The following SDK1 variants were observed in gnomAD, a reference collection of about 807,000 sequenced individuals.
SDK1 encodes the protein sidekick cell adhesion molecule 1.
SDK1 carries 157 observed loss-of-function variants against 245.5 expected under a neutral mutation model. The observed-to-expected ratio is 0.64, with a 90% confidence interval of 0.56 to 0.73. The LOEUF is 0.73. Among genes scored for constraint, SDK1 ranks in the 30% least tolerant of loss-of-function variants. The pLI is 0.00. For missense variants in SDK1, 3,583 were observed against 3,002.3 expected (o/e 1.19, Z -4.52); for synonymous variants, 1,647 against 1,278.5 (o/e 1.29, Z -6.15).
intron 4 of SDK1, among the ~76,000 whole-genome samples, chr7:3,683,627 A>C (rs984438789): frequency 6.6e-6 from 1 of 152,196 alleles, no homozygotes; most frequent in Non-Finnish European, 1.5e-5. Flanking sequence ...CACAGCTAAC[A>C]TTCCCTGCGC....
intron 1 of SDK1, among the ~76,000 whole-genome samples, chr7:3,573,815 C>T (rs562116510): frequency 1.1e-4 from 16 of 151,912 alleles, no homozygotes; most frequent in Admixed American, 5.2e-4. Flanking sequence ...CCCTTGAAGC[C>T]CCCTGCTGTT....
chr7:4,095,397 G>T (rs1782084527), intron 22 of SDK1, among the ~76,000 whole-genome samples: 1 of 152,132 alleles, frequency 6.6e-6, no homozygotes. Context: ...CAACCCATTT[G>T]GTGGGAGTCC....
At chr7:3,507,345 G>A (rs1299760536) in intron 1 of SDK1, among the ~76,000 whole-genome samples, 2 of 152,140 alleles carry the variant, frequency 1.3e-5, no homozygotes, top group Non-Finnish European at 2.9e-5. Context: ...AACTCCTTCT[G>A]TTTTTGTATT....
chr7:3,732,331 C>G (rs1424271972), intron 4 of SDK1, among the ~76,000 whole-genome samples: 1 of 152,034 alleles, frequency 6.6e-6, no homozygotes, highest in Non-Finnish European at 1.5e-5. Context: ...ATATCTTTGT[C>G]AAAAAACAGC....
chr7:3,636,902 A>T (rs924376166), intron 2 of SDK1, among the ~76,000 whole-genome samples: 1 of 152,010 alleles, frequency 6.6e-6, no homozygotes, highest in Non-Finnish European at 1.5e-5. Context: ...ACATCTCATT[A>T]TGGTTTGGGT....
intron 1 of SDK1, among the ~76,000 whole-genome samples, chr7:3,408,817 C>G (rs1417046584): frequency 6.6e-6 from 1 of 152,196 alleles, no homozygotes; most frequent in African/African-American, 2.4e-5. Context: ...CCCTTATTCA[C>G]TAATGTTTGA....
chr7:3,675,985 G>C (rs916625264), intron 4 of SDK1, among the ~76,000 whole-genome samples: 1 of 152,078 alleles, frequency 6.6e-6, no homozygotes, highest in African/African-American at 2.4e-5. Context: ...CTCCCATTCT[G>C]TAGGTTGTCT....
chr7:3,374,955 A>G (rs999997958), intron 1 of SDK1, among the ~76,000 whole-genome samples: 1 of 152,156 alleles, frequency 6.6e-6, no homozygotes, highest in South Asian at 2.1e-4. Context: ...TCTTTAGTTC[A>G]CTATCGTATA....
chr7:4,221,663 C>T (rs1785161031), intron 40 of SDK1, among the ~76,000 whole-genome samples: 1 of 152,162 alleles, frequency 6.6e-6, no homozygotes, highest in South Asian at 2.1e-4. Context: ...CTTAGGGACA[C>T]TAAAAGGCAT....
chr7:3,517,909 C>G (rs1029107979), intron 1 of SDK1, among the ~76,000 whole-genome samples: 1 of 152,078 alleles, frequency 6.6e-6, no homozygotes, highest in African/African-American at 2.4e-5. Context: ...TTCTCAGTGA[C>G]TAAGTCTTTT....
chr7:3,443,930 G>A (rs1780269357), intron 1 of SDK1, among the ~76,000 whole-genome samples: 1 of 152,180 alleles, frequency 6.6e-6, no homozygotes, highest in Non-Finnish European at 1.5e-5. Flanking sequence ...AACACAGAGT[G>A]CTATTAACAA....
chr7:3,474,240 C>T lies in SDK1; in HGVS notation c.299-144840C>T, dbSNP rs114422215. Among the ~76,000 whole-genome samples the T allele has an allele frequency of 8.1e-3, 1,209 of 149,148 alleles. 16 individuals are homozygous for T. Among genetic ancestry groups the T allele is most frequent in the African/African-American group, 0.028 (1,146 of 40,762 alleles). On this transcript the variant is annotated intron_variant, in intron 1 of 44. Coordinates refer to ENST00000404826, the MANE Select transcript of SDK1 (RefSeq NM_152744.4). ...GCCTCAGCCTCCCAAGTAGTGGTGG[C>T]GTGCGCCACCACGACCAGCTAATTT...
At chr7:3,403,862 TA>T (rs1778974126) in intron 1 of SDK1, among the ~76,000 whole-genome samples, 1 of 117,126 alleles carries the variant, frequency 8.5e-6, no homozygotes, top group Non-Finnish European at 1.7e-5. Flanking sequence ...TATATATATA[TA>T]TATATAATAT....
intron 1 of SDK1, among the ~76,000 whole-genome samples, chr7:3,598,930 G>C (rs1042669436): frequency 6.6e-5 from 10 of 152,100 alleles, no homozygotes; most frequent in African/African-American, 2.4e-4. Context: ...GAAGGTTTCT[G>C]TGTGAACATA....
At chr7:3,950,465 TAGAG>T (rs1554287150) in intron 5 of SDK1, among the ~76,000 whole-genome samples, 1 of 152,132 alleles carries the variant, frequency 6.6e-6, no homozygotes, top group Non-Finnish European at 1.5e-5. Flanking sequence ...TTTTGAGAGA[TAGAG>T]AGGGACCACA....
At chr7:3,510,649 AG>A (rs1205290604) in intron 1 of SDK1, among the ~76,000 whole-genome samples, 2 of 152,128 alleles carry the variant, frequency 1.3e-5, no homozygotes, top group Non-Finnish European at 2.9e-5. Context: ...GGAGGGAAGA[AG>A]GGGGGAGGCT....
intron 1 of SDK1, among the ~76,000 whole-genome samples, chr7:3,409,150 C>T (rs1013749570): frequency 1.3e-5 from 2 of 152,182 alleles, no homozygotes; most frequent in East Asian, 3.8e-4. Flanking sequence ...TGAACTGACA[C>T]TTCTGCTTCA....
chr7:3,977,901 T>G (rs1310649042), intron 13 of SDK1, among the ~76,000 whole-genome samples: 1 of 152,234 alleles, frequency 6.6e-6, no homozygotes, highest in Non-Finnish European at 1.5e-5. Context: ...TCTGCCTTGG[T>G]GGCCCATTGG....
chr7:3,535,713 C>T (rs552810909), intron 1 of SDK1, among the ~76,000 whole-genome samples: 35 of 152,164 alleles, frequency 2.3e-4, no homozygotes, highest in East Asian at 1.9e-4. Flanking sequence ...TATGTATATG[C>T]GTGTCTACAT....
Sources: allele counts gnomAD v4.1 joint callset (sites outside exome capture counted in the v4.1 genomes callset), GRCh38; gene constraint gnomAD v4.1.1; transcripts MANE v1.5; gene names NCBI Gene and HGNC (gene_info 2026-07-23, HGNC 2026-07-21).